The following MAPK10 variants were observed in gnomAD, a reference collection of about 807,000 sequenced individuals.
The protein encoded by MAPK10 is mitogen-activated protein kinase 10, also known as JNK3 alpha protein kinase.
MAPK10 carries 25 observed loss-of-function variants against 59.3 expected under a neutral mutation model. The ratio of observed to expected loss-of-function variants is 0.42; its 90% CI spans 0.31 to 0.59. MAPK10 has a LOEUF of 0.59. Ranked by LOEUF, MAPK10 falls within the 20% of genes least tolerant of loss-of-function variation. The pLI is 0.15. For missense variants in MAPK10, 351 were observed against 568.9 expected, an observed-to-expected ratio of 0.62 and a Z score of 3.90; for synonymous variants, 190 against 200.5, an observed-to-expected ratio of 0.95 and a Z score of 0.44.
intron 13 of MAPK10, among the ~76,000 whole-genome samples, chr4:86,021,685 G>A (rs1287699018): frequency 2.6e-5 from 4 of 152,230 alleles, no homozygotes; most frequent in African/African-American, 4.8e-5. Flanking sequence ...GGCTCGGGCT[G>A]CACAGGAGCC....
upstream of MAPK10, among the ~76,000 whole-genome samples, chr4:86,360,699 G>A (rs1419998376): frequency 6.6e-6 from 1 of 151,878 alleles, no homozygotes; most frequent in Non-Finnish European, 1.5e-5. Context: ...ATTTTCTAGA[G>A]AACTGATGAA....
At chr4:86,263,920 GC>G (rs1210625068) in intron 2 of MAPK10, among the ~76,000 whole-genome samples, 1 of 152,118 alleles carries the variant, frequency 6.6e-6, no homozygotes, top group Non-Finnish European at 1.5e-5. Context: ...GGTCCATTCA[GC>G]TAAATAGAGA....
intron 4 of MAPK10, among the ~76,000 whole-genome samples, chr4:86,156,503 C>T (rs2067823380): frequency 6.6e-6 from 1 of 152,004 alleles, no homozygotes. Flanking sequence ...GCTTCACTTC[C>T]TTTCATTTAA....
intron 1 of MAPK10, among the ~76,000 whole-genome samples, chr4:86,490,113 C>T (rs899105377): frequency 1.3e-5 from 2 of 152,154 alleles, no homozygotes; most frequent in Non-Finnish European, 2.9e-5. Flanking sequence ...AATAGTGTAT[C>T]TGCTTGTTCT....
At chr4:86,287,490 GC>G (rs1165826251) in intron 2 of MAPK10, among the ~76,000 whole-genome samples, 1 of 152,130 alleles carries the variant, frequency 6.6e-6, no homozygotes, top group African/African-American at 2.4e-5. Context: ...GGAAAACACA[GC>G]TGCCATCGTT....
chr4:86,527,455 A>G (rs1312862458), intron 1 of MAPK10, among the ~76,000 whole-genome samples: 2 of 152,156 alleles, frequency 1.3e-5, no homozygotes, highest in Non-Finnish European at 1.5e-5. Context: ...CAAAACTACA[A>G]TGAGATACCA....
intron 4 of MAPK10, among the ~76,000 whole-genome samples, chr4:86,145,958 G>C (rs749714734): frequency 3.9e-5 from 6 of 152,258 alleles, no homozygotes; most frequent in Non-Finnish European, 7.3e-5. Context: ...CAGAAAAGGA[G>C]TCCGTCTAAG....
intron 2 of MAPK10, among the ~76,000 whole-genome samples, chr4:86,325,065 ACT>A (rs575870251): frequency 5.8e-4 from 88 of 152,142 alleles, no homozygotes; most frequent in African/African-American, 2.0e-3. Context: ...CTAATTTCCA[ACT>A]CTCTCTCTGT....
chr4:86,443,075 C>A (rs1749600972), intron 1 of MAPK10, among the ~76,000 whole-genome samples: 1 of 152,016 alleles, frequency 6.6e-6, no homozygotes, highest in South Asian at 2.1e-4. Flanking sequence ...GAACCAGTGC[C>A]CCAGCAGGAA....
intron 1 of MAPK10, among the ~76,000 whole-genome samples, chr4:86,420,888 C>T (rs949455316): frequency 4.6e-5 from 7 of 152,048 alleles, no homozygotes; most frequent in African/African-American, 1.7e-4. Flanking sequence ...ATGAGACCAG[C>T]CTGGCCAACA....
chr4:86,592,619 T>C (rs1043703290), intron 1 of MAPK10, among the ~76,000 whole-genome samples: 12 of 152,198 alleles, frequency 7.9e-5, no homozygotes, highest in Admixed American at 6.5e-5. Flanking sequence ...TGATAGATGA[T>C]CCAGAACATT....
chr4:86,387,158 T>A (rs1230275411), intron 1 of MAPK10, among the ~76,000 whole-genome samples: 1 of 152,180 alleles, frequency 6.6e-6, no homozygotes, highest in East Asian at 1.9e-4. Flanking sequence ...TGGCTGGAAA[T>A]GAAGCAGCCG....
chr4:86,069,701 A>T (rs1176445778), intron 9 of MAPK10, among the ~76,000 whole-genome samples: 1 of 152,106 alleles, frequency 6.6e-6, no homozygotes, highest in Non-Finnish European at 1.5e-5. Context: ...CTACCAAGCT[A>T]TCATTTCATC....
chr4:86,115,244 A>G (rs4693754), intron 4 of MAPK10, among the ~76,000 whole-genome samples: 125,129 of 152,196 alleles, frequency 0.82, 51,683 homozygotes, highest in East Asian at 0.89. Flanking sequence ...ATGGTTTCCC[A>G]GGCGGGGCAG....
intron 1 of MAPK10, among the ~76,000 whole-genome samples, chr4:86,514,311 C>T (rs1309453594): frequency 2.6e-5 from 4 of 152,112 alleles, no homozygotes; most frequent in Non-Finnish European, 5.9e-5. Context: ...ACTGCCCTTC[C>T]AACCTCAGAT....
chr4:86,054,566 A>G (rs1486270745), intron 11 of MAPK10, among the ~76,000 whole-genome samples: 2 of 152,204 alleles, frequency 1.3e-5, no homozygotes, highest in Non-Finnish European at 2.9e-5. Context: ...CATTGATTTA[A>G]CTTTCCCCAA....
intron 9 of MAPK10, among the ~76,000 whole-genome samples, chr4:86,068,795 G>T (rs1482033584): frequency 6.6e-6 from 1 of 152,054 alleles, no homozygotes; most frequent in Non-Finnish European, 1.5e-5. Flanking sequence ...CTCAATGATT[G>T]AGATTCTCTT....
chr4:86,281,674 T>A (rs1462995840), intron 2 of MAPK10, among the ~76,000 whole-genome samples: 2 of 152,088 alleles, frequency 1.3e-5, no homozygotes, highest in Non-Finnish European at 2.9e-5. Context: ...GGAAAGGAAA[T>A]CCCACTGGAA....
intron 11 of MAPK10, among the ~76,000 whole-genome samples, chr4:86,051,740 C>T (rs759158183): frequency 9.2e-5 from 14 of 152,180 alleles, no homozygotes; most frequent in Non-Finnish European, 1.8e-4. Flanking sequence ...CATGACTTCT[C>T]AAACAAGATG....
Sources: allele counts gnomAD v4.1 joint callset (sites outside exome capture counted in the v4.1 genomes callset), GRCh38; gene constraint gnomAD v4.1.1; transcripts MANE v1.5; gene names NCBI Gene and HGNC (gene_info 2026-07-23, HGNC 2026-07-21).